The following ANKFN1 variants were observed in gnomAD, a reference collection of about 807,000 sequenced individuals.
ANKFN1 encodes the protein ankyrin repeat and fibronectin type-III domain-containing protein 1.
A neutral mutation model predicts 108.7 loss-of-function variants in ANKFN1; 74 were observed. That is an observed-to-expected ratio of 0.68 (90% CI 0.56 to 0.83). ANKFN1 has a LOEUF of 0.83. ANKFN1 is among the 40% of genes least tolerant of loss of function. ANKFN1 has a pLI of 0.00. For missense variants in ANKFN1, 1,505 were observed against 1,382.3 expected, an observed-to-expected ratio of 1.09 and a Z score of -1.41; for synonymous variants, 547 against 516.2, an observed-to-expected ratio of 1.06 and a Z score of -0.81.
At chr17:56,153,444 C>T (rs1374846484), upstream of ANKFN1, 5 of 1,592,348 alleles carry the variant, frequency 3.1e-6, no homozygotes, top group African/African-American at 4.0e-5. Context: ...TGTGGACATT[C>T]GCAAAGGGGT....
intron 1 of ANKFN1, among the ~76,000 whole-genome samples, chr17:56,177,580 C>A (rs1284679126): frequency 6.6e-6 from 1 of 152,164 alleles, no homozygotes; most frequent in Non-Finnish European, 1.5e-5. Flanking sequence ...ATCAGTGACT[C>A]CCACGTTCCA....
At chr17:56,462,547 T>C (rs975319774) in intron 14 of ANKFN1, among the ~76,000 whole-genome samples, 2 of 152,180 alleles carry the variant, frequency 1.3e-5, no homozygotes, top group Admixed American at 1.3e-4. Flanking sequence ...TGAGCTGAGA[T>C]CGCACCATTG....
At chr17:56,059,611 T>A (rs1291476232) in intron 4 of ANKFN1, among the ~76,000 whole-genome samples, 1 of 152,202 alleles carries the variant, frequency 6.6e-6, no homozygotes, top group South Asian at 2.1e-4. Flanking sequence ...AACTTTTGTA[T>A]AAGGTGTAAG....
At chr17:56,466,275 A>G in intron 14 of ANKFN1, 81 bp from the exon 15 acceptor site, 1 of 1,247,282 alleles carries the variant, frequency 8.0e-7, no homozygotes, top group Admixed American at 1.9e-5. Flanking sequence ...TCAGATTATT[A>G]TTCACGGTGT....
At chr17:56,060,060 G>A (rs1598085275) in intron 4 of ANKFN1, among the ~76,000 whole-genome samples, 1 of 152,326 alleles carries the variant, frequency 6.6e-6, no homozygotes, top group East Asian at 1.9e-4. Flanking sequence ...TCCTATCCAT[G>A]AGGATGGAAT....
intron 8 of ANKFN1, 35 bp from the exon 9 acceptor site, chr17:56,440,292 C>A: frequency 7.2e-7 from 1 of 1,386,914 alleles, no homozygotes; most frequent in South Asian, 1.2e-5. Flanking sequence ...TATTCTCCCT[C>A]TTTCTCTCTC....
intron 3 of ANKFN1, among the ~76,000 whole-genome samples, chr17:56,232,343 G>T (rs1048446915): frequency 1.3e-5 from 2 of 151,966 alleles, no homozygotes; most frequent in East Asian, 3.9e-4. Context: ...AGAAATTCTC[G>T]TTCTGGTGTG....
rs186114478 is a variant in ANKFN1 at position 56,247,613 on chromosome 17, G to T, written c.53+19656G>T. On this transcript the variant is annotated intron_variant, in intron 3 of 20. Coordinates refer to ENST00000682825, the MANE Select transcript of ANKFN1 (RefSeq NM_001370326.1). ...CCTATCAATAACACCACAAAATAAG[G>T]ATTACATTTTATAGAAGAAATTGAA... Among the ~76,000 whole-genome samples, 11 of 152,084 alleles carry T rather than the reference G, an allele frequency of 7.2e-5. No homozygotes were observed. In the East Asian group the frequency reaches 2.1e-3, roughly 29 times the overall value.
At chr17:56,387,991 A>C (rs1393319618) in intron 8 of ANKFN1, among the ~76,000 whole-genome samples, 1 of 152,106 alleles carries the variant, frequency 6.6e-6, no homozygotes, top group Non-Finnish European at 1.5e-5. Context: ...TGTACTGAAA[A>C]GCTTATAATG....
intron 1 of ANKFN1, among the ~76,000 whole-genome samples, chr17:56,205,071 C>T (rs1212537405): frequency 1.3e-5 from 2 of 150,742 alleles, no homozygotes; most frequent in East Asian, 2.0e-4. Context: ...AGCGGGACTC[C>T]GTCTCAAAAA....
Position 56,487,293 on chromosome 17 carries a change from C to T in ANKFN1, c.2260+4769C>T, listed in dbSNP as rs910830008. Among the ~76,000 whole-genome samples, 25 of 152,092 alleles carry T rather than the reference C, an allele frequency of 1.6e-4. 1 individual carries two copies. Among genetic ancestry groups the T allele is most frequent in the Non-Finnish European group, 3.2e-4 (22 of 68,012 alleles). On this transcript the variant is annotated intron_variant, in intron 18 of 20. Transcript: ENST00000682825. ...AATAAAGCATGTTCCTGGGGTCCTA[C>T]AAGCATTACTATTTACAAAGTTCCC...
chr17:56,443,474 G>A (rs548128033), intron 10 of ANKFN1, among the ~76,000 whole-genome samples: 2 of 152,276 alleles, frequency 1.3e-5, no homozygotes, highest in African/African-American at 4.8e-5. Context: ...AGATGCCATG[G>A]TGGGAGTGGC....
intron 6 of ANKFN1, chr17:56,368,199 A>T: frequency 3.0e-6 from 4 of 1,341,414 alleles, no homozygotes; most frequent in Non-Finnish European, 4.0e-6. Flanking sequence ...AGCATACACA[A>T]ATTACAAAAG....
intron 4 of ANKFN1, among the ~76,000 whole-genome samples, chr17:56,106,126 T>C (rs1363224564): frequency 6.6e-6 from 1 of 152,162 alleles, no homozygotes; most frequent in Non-Finnish European, 1.5e-5. Context: ...TATATATTCA[T>C]TAAAGCAACC....
At chr17:56,292,729 GAA>G (rs150020275) in intron 3 of ANKFN1, among the ~76,000 whole-genome samples, 2 of 150,548 alleles carry the variant, frequency 1.3e-5, no homozygotes, top group Non-Finnish European at 3.0e-5. Flanking sequence ...GATTTAGGGG[GAA>G]AAAAAAACCA....
In ANKFN1 at chr17:56,477,502, T is replaced by G; in HGVS notation, c.1788T>G (p.Tyr596Ter). 1 of 1,522,998 alleles carries G rather than the reference T, an allele frequency of 6.6e-7. No homozygotes were observed. Among genetic ancestry groups the G allele is most frequent in the Non-Finnish European group, 9.0e-7 (1 of 1,107,166 alleles). The allele number at this position is 1,522,998 out of a possible 1,614,324, so 94.3% of individuals were successfully genotyped here. The change falls in exon 16 of 21, where the codon TAT becomes TAG. Residue 596 changes from tyrosine (Y) to a stop codon, truncating the protein, a stop_gained. Transcript: ENST00000682825. LOFTEE classifies it high-confidence loss of function. The part of the protein sequence containing the change: ...LLITIQDILS[Y>*]HKRSHQRLFP... ...TAACCCTACAGGATATTCTATCCTA[T>G]CACAAAAGGAGTCATCAGCGTCTCT... is the stretch of plus-strand genomic sequence containing the variant.
intron 8 of ANKFN1, among the ~76,000 whole-genome samples, chr17:56,394,930 T>C (rs944088075): frequency 1.3e-5 from 2 of 152,182 alleles, no homozygotes; most frequent in African/African-American, 4.8e-5. Flanking sequence ...AAATAGGTGT[T>C]GTAGCCTGAA....
chr17:56,140,136 A>G (rs1907832287), intron 4 of ANKFN1, among the ~76,000 whole-genome samples: 1 of 152,020 alleles, frequency 6.6e-6, no homozygotes, highest in African/African-American at 2.4e-5. Context: ...TCTTTCTAGA[A>G]CTCCTGCTTC....
intron 4 of ANKFN1, among the ~76,000 whole-genome samples, chr17:56,055,566 C>CATAT (rs1355346286): frequency 0.12 from 5,503 of 47,314 alleles, 858 homozygotes; most frequent in Non-Finnish European, 0.13. Flanking sequence ...GGTATATATA[C>CATAT]ATATATATAT....
Sources: gnomAD v4.1 joint callset for allele counts (sites outside exome capture counted in the v4.1 genomes callset) on GRCh38, gnomAD v4.1.1 for gene constraint, MANE v1.5 for transcripts, NCBI Gene and HGNC (gene_info 2026-07-23, HGNC 2026-07-21) for gene names.